UBXN11: variants seen among roughly 807,000 people sequenced by gnomAD.
The protein encoded by UBXN11 is UBX domain protein 11.
UBXN11 carries 47 observed loss-of-function variants against 62.8 expected under a neutral mutation model. The ratio of observed to expected loss-of-function variants is 0.75; its 90% CI spans 0.59 to 0.95. The LOEUF is 0.95. Among genes scored for constraint, UBXN11 ranks in the 40% least tolerant of loss-of-function variants. UBXN11 has a pLI of 0.00. For missense variants in UBXN11, 638 were observed against 661.7 expected (o/e 0.96, Z 0.39); for synonymous variants, 294 against 267.0 (o/e 1.10, Z -0.99).
chr1:26,306,829 T>TGGG (rs1173775523), upstream of UBXN11: 5 of 19,874 alleles, frequency 2.5e-4, no homozygotes, highest in East Asian at 2.4e-3. Flanking sequence ...CGGGGCGGGG[T>TGGG]GGGGGGGGGG....
At chr1:26,283,983 A>G (rs1401841153) in intron 12 of UBXN11, among the ~76,000 whole-genome samples, 159 bp downstream of exon 12, 1 of 152,112 alleles carries the variant, frequency 6.6e-6, no homozygotes, top group African/African-American at 2.4e-5. Flanking sequence ...TGCCCTCACC[A>G]GCCTCACAGT....
intron 12 of UBXN11, among the ~76,000 whole-genome samples, chr1:26,283,787 G>A (rs75092811): frequency 0.014 from 2,112 of 152,294 alleles, 52 homozygotes; most frequent in African/African-American, 0.048. Flanking sequence ...AGAATAGGGA[G>A]CGAGGAGACA....
intron 1 of UBXN11, among the ~76,000 whole-genome samples, chr1:26,304,749 T>C (rs1232668093): frequency 1.3e-5 from 2 of 151,878 alleles, no homozygotes; most frequent in African/African-American, 2.4e-5. Context: ...CAAGACTCCA[T>C]CTCAAAAAAA....
At chr1:26,312,991 AAAAAAAAAAAAAAGAGTG>A (rs2073758827) in intron 1 of UBXN11, among the ~76,000 whole-genome samples, 1 of 150,204 alleles carries the variant, frequency 6.7e-6, no homozygotes, top group Non-Finnish European at 1.5e-5. Context: ...AAAAAAAAAA[AAAAAAAAAAAAAAGAGTG>A]AATGAGCAAA....
At chr1:26,303,332 C>G (rs1008154854) in intron 1 of UBXN11, among the ~76,000 whole-genome samples, 2 of 152,108 alleles carry the variant, frequency 1.3e-5, no homozygotes, top group African/African-American at 4.8e-5. Context: ...GGTGCCACTC[C>G]CAACATCTCA....
chr1:26,313,112 C>T (rs1224770360), intron 1 of UBXN11, among the ~76,000 whole-genome samples: 2 of 151,920 alleles, frequency 1.3e-5, no homozygotes, highest in Non-Finnish European at 2.9e-5. Flanking sequence ...GAATCCCAGC[C>T]CTGTCTCAGT....
intron 1 of UBXN11, among the ~76,000 whole-genome samples, chr1:26,312,979 CAA>C (rs55777309): frequency 4.2e-5 from 2 of 48,150 alleles, no homozygotes; most frequent in African/African-American, 1.8e-4. Flanking sequence ...AACTCTGTCT[CAA>C]AAAAAAAAAA....
intron 1 of UBXN11, among the ~76,000 whole-genome samples, chr1:26,303,532 G>A (rs760608214): frequency 2.7e-5 from 4 of 148,458 alleles, no homozygotes; most frequent in Non-Finnish European, 4.4e-5. Flanking sequence ...TCTGAGGCAC[G>A]AGAATCGCTT....
chr1:26,314,072 G>A (rs142252553), intron 1 of UBXN11, among the ~76,000 whole-genome samples: 1 of 152,046 alleles, frequency 6.6e-6, no homozygotes, highest in African/African-American at 2.4e-5. Context: ...TAGCCACCGC[G>A]CCCGGCCGGT....
At chr1:26,302,222 G>GT (rs944375407) in intron 2 of UBXN11, among the ~76,000 whole-genome samples, 1 of 152,024 alleles carries the variant, frequency 6.6e-6, no homozygotes, top group African/African-American at 2.4e-5. Context: ...AATTAGCCAG[G>GT]TGTTATAGCA....
At chr1:26,298,950 G>T (rs1570119563) in intron 4 of UBXN11, among the ~76,000 whole-genome samples, 1 of 152,162 alleles carries the variant, frequency 6.6e-6, no homozygotes, top group East Asian at 1.9e-4. Flanking sequence ...GGCAGGTTCA[G>T]TGGAAAGATG....
intron 1 of UBXN11, 68 bp downstream of exon 1, chr1:26,306,524 G>A (rs1258342657): frequency 1.3e-5 from 2 of 152,204 alleles, no homozygotes; most frequent in African/African-American, 2.4e-5. Context: ...GAGCTCGCAG[G>A]CCCTCGGGGC....
intron 1 of UBXN11, among the ~76,000 whole-genome samples, chr1:26,306,108 T>C (rs900026950): frequency 2.6e-5 from 4 of 152,212 alleles, no homozygotes; most frequent in African/African-American, 9.6e-5. Context: ...TAGGGAGCCC[T>C]GAGGACAGTC....
intron 8 of UBXN11, among the ~76,000 whole-genome samples, chr1:26,291,145 T>C (rs1214404282): frequency 6.6e-6 from 1 of 151,956 alleles, no homozygotes; most frequent in Non-Finnish European, 1.5e-5. Context: ...TCCACAGGCC[T>C]CCACCCCAGC....
chr1:26,297,954 A>T lies in UBXN11; in HGVS notation c.300+8T>A, dbSNP rs780080987. The T allele has an allele frequency of 3.7e-6, 6 of 1,612,998 alleles. No individual in the cohort carries two copies. The Admixed American group carries it at 1.0e-4, about 27-fold the overall frequency. ...CGGCCCCTGGCCCTCTCCCACCTGG[A>T]GCCCCACCTTGGACAGTATCTCATC... On this transcript the variant is annotated splice_region_variant and intron_variant, in intron 5 of 14. Coordinates refer to ENST00000374222, the MANE Select transcript of UBXN11 (RefSeq NM_001389556.1).
chr1:26,309,543 G>A (rs1196032774), upstream of UBXN11, among the ~76,000 whole-genome samples: 1 of 151,984 alleles, frequency 6.6e-6, no homozygotes, highest in East Asian at 1.9e-4. Flanking sequence ...CTTCTGGTTT[G>A]ATTTTTTTTA....
chr1:26,299,946 G>C (rs1156652495), intron 4 of UBXN11, among the ~76,000 whole-genome samples: 3 of 151,798 alleles, frequency 2.0e-5, no homozygotes, highest in East Asian at 3.9e-4. Context: ...AGTGAGCCAT[G>C]ATCGCACCAC....
intron 1 of UBXN11, among the ~76,000 whole-genome samples, chr1:26,316,444 T>C (rs771616942): frequency 6.6e-6 from 1 of 151,030 alleles, no homozygotes; most frequent in Admixed American, 6.6e-5. Flanking sequence ...AGAGCTGGGG[T>C]TGTGGTGACC....
chr1:26,286,565 T>C (rs953408493), intron 8 of UBXN11, among the ~76,000 whole-genome samples: 4 of 149,058 alleles, frequency 2.7e-5, no homozygotes, highest in Admixed American at 2.0e-4. Context: ...CCTCCTAGGA[T>C]GGCTGTAAGG....
Sources: gnomAD v4.1 joint callset for allele counts (sites outside exome capture counted in the v4.1 genomes callset) on GRCh38, gnomAD v4.1.1 for gene constraint, MANE v1.5 for transcripts, NCBI Gene and HGNC (gene_info 2026-07-23, HGNC 2026-07-21) for gene names.